ZNF609: variants seen among roughly 807,000 people sequenced by gnomAD.
ZNF609 encodes the protein zinc finger protein 609.
ZNF609 carries 11 observed loss-of-function variants against 109.5 expected under a neutral mutation model. The ratio of observed to expected loss-of-function variants is 0.10; its 90% CI spans 0.06 to 0.17. The LOEUF is 0.17. ZNF609 is among the 10% of genes least tolerant of loss of function. The pLI, the probability that ZNF609 is intolerant of heterozygous loss-of-function variation, is 1.00. For synonymous variants in ZNF609, 646 were observed against 662.0 expected, an observed-to-expected ratio of 0.98 and a Z score of 0.37; for missense variants, 1,559 against 1,772.4, an observed-to-expected ratio of 0.88 and a Z score of 2.16.
chr15:64,503,312 C>T (rs142215723), intron 2 of ZNF609, among the ~76,000 whole-genome samples: 1 of 152,274 alleles, frequency 6.6e-6, no homozygotes, highest in African/African-American at 2.4e-5. Flanking sequence ...ACACTTCTGC[C>T]TCATACTTCC....
intron 3 of ZNF609, among the ~76,000 whole-genome samples, chr15:64,668,364 T>C (rs1344283246): frequency 2.6e-5 from 4 of 152,220 alleles, no homozygotes; most frequent in Non-Finnish European, 4.4e-5. Context: ...AGACCAGCCA[T>C]GGGTCACAAG....
chr15:64,528,999 G>A (rs980666561), intron 2 of ZNF609: 63 of 1,508,846 alleles, frequency 4.2e-5, no homozygotes, highest in Middle Eastern at 2.4e-4. Context: ...TGAGCTTCCC[G>A]TTCAGCTCAG....
At chr15:64,565,986 C>T (rs550951276) in intron 2 of ZNF609, among the ~76,000 whole-genome samples, 3 of 151,982 alleles carry the variant, frequency 2.0e-5, no homozygotes, top group Non-Finnish European at 4.4e-5. Context: ...GTAGCTGGAA[C>T]TAAAGGTGTG....
chr15:64,548,353 T>G (rs1894403135), intron 2 of ZNF609, among the ~76,000 whole-genome samples: 1 of 152,190 alleles, frequency 6.6e-6, no homozygotes, highest in African/African-American at 2.4e-5. Flanking sequence ...TCGTGTACAC[T>G]CTAACAAAAT....
chr15:64,562,719 G>T (rs1026840655), intron 2 of ZNF609, among the ~76,000 whole-genome samples: 20 of 134,096 alleles, frequency 1.5e-4, no homozygotes, highest in African/African-American at 4.6e-4. Context: ...ACTATAGCCC[G>T]AGTTTAAAGA....
chr15:64,641,197 G>A (rs1368993281), intron 3 of ZNF609, among the ~76,000 whole-genome samples: 4 of 144,584 alleles, frequency 2.8e-5, no homozygotes, highest in African/African-American at 2.6e-5. Flanking sequence ...AGGATGATGG[G>A]TGTTAGTTAC....
intron 2 of ZNF609, among the ~76,000 whole-genome samples, chr15:64,526,057 CG>C (rs1251683333): frequency 1.3e-5 from 2 of 150,814 alleles, no homozygotes; most frequent in Non-Finnish European, 2.9e-5. Context: ...CCCAAAGTGC[CG>C]GGATTACAAG....
chr15:64,649,655 G>A (rs1896386106), intron 3 of ZNF609, among the ~76,000 whole-genome samples: 1 of 152,060 alleles, frequency 6.6e-6, no homozygotes, highest in South Asian at 2.1e-4. Flanking sequence ...AAGTATTTAG[G>A]GAGAGAAAAG....
At chr15:64,561,635 A>G (rs1018481569) in intron 2 of ZNF609, among the ~76,000 whole-genome samples, 8 of 150,954 alleles carry the variant, frequency 5.3e-5, no homozygotes, top group African/African-American at 1.5e-4. Flanking sequence ...GGCACAGGCA[A>G]TCCTCTTGCC....
At chr15:64,582,759 T>TTTC in intron 2 of ZNF609, among the ~76,000 whole-genome samples, 1 of 124,192 alleles carries the variant, frequency 8.1e-6, no homozygotes, top group Non-Finnish European at 1.7e-5. Flanking sequence ...CTTTTTTTTT[T>TTTC]TTTTTTTTTT....
chr15:64,627,290 C>A (rs1366897413), intron 3 of ZNF609, among the ~76,000 whole-genome samples: 1 of 152,044 alleles, frequency 6.6e-6, no homozygotes, highest in Non-Finnish European at 1.5e-5. Flanking sequence ...GTATAAGAAG[C>A]CTTAAAGCAG....
At chr15:64,494,952 G>A (rs1292262842) in intron 1 of ZNF609, among the ~76,000 whole-genome samples, 1 of 152,132 alleles carries the variant, frequency 6.6e-6, no homozygotes, top group Admixed American at 6.5e-5. Flanking sequence ...ACTGTGCTCT[G>A]TAGTACATCC....
intron 2 of ZNF609, among the ~76,000 whole-genome samples, chr15:64,562,188 G>A (rs144681566): frequency 8.4e-4 from 128 of 152,206 alleles, no homozygotes; most frequent in African/African-American, 3.0e-3. Context: ...TTCTCAGTTT[G>A]GCATAGTGCC....
Position 64,678,633 on chromosome 15 carries a change from C to T in ZNF609, c.3769+151C>T, listed in dbSNP as rs191388796. The T allele has an allele frequency of 1.8e-4, 189 of 1,044,580 alleles. No homozygotes were observed. The East Asian group carries it at 4.3e-3, about 24-fold the overall frequency. 64.7% of individuals were successfully genotyped at this position (1,044,580 alleles called of 1,614,324 possible). ...TTCACTGAGTCATTCTGTGAGGTGG[C>T]CACCATAACCCATAGTTCCTTGAAT... On this transcript the variant is annotated intron_variant, in intron 6 of 9. Coordinates refer to ENST00000326648, the MANE Select transcript of ZNF609 (RefSeq NM_015042.2).
intron 2 of ZNF609, chr15:64,592,829 C>T (rs1432134769): frequency 1.9e-6 from 1 of 514,726 alleles, no homozygotes; most frequent in African/African-American, 2.0e-5. Context: ...AGGAGAATTG[C>T]TTGAATCTAG....
intron 2 of ZNF609, among the ~76,000 whole-genome samples, chr15:64,558,443 C>T (rs1567014078): frequency 1.3e-5 from 2 of 152,184 alleles, no homozygotes; most frequent in African/African-American, 2.4e-5. Flanking sequence ...ATGGAATACT[C>T]TTAAAATAAT....
chr15:64,576,390 A>T (rs1395867785), intron 2 of ZNF609, among the ~76,000 whole-genome samples: 1 of 152,002 alleles, frequency 6.6e-6, no homozygotes, highest in African/African-American at 2.4e-5. Context: ...AGATTTCTCT[A>T]GTCATGTGCT....
At chr15:64,600,233 G>T (rs192503493) in intron 2 of ZNF609, among the ~76,000 whole-genome samples, 1 of 151,674 alleles carries the variant, frequency 6.6e-6, no homozygotes, top group African/African-American at 2.4e-5. Flanking sequence ...GGCGGATCAC[G>T]AGGTCAGGAG....
intron 2 of ZNF609, among the ~76,000 whole-genome samples, chr15:64,584,532 C>T (rs1266601471): frequency 6.6e-6 from 1 of 152,046 alleles, no homozygotes; most frequent in Non-Finnish European, 1.5e-5. Context: ...AACTCGTGAC[C>T]TCAAGTAATC....
Sources: gnomAD v4.1 joint callset for allele counts (sites outside exome capture counted in the v4.1 genomes callset) on GRCh38, gnomAD v4.1.1 for gene constraint, MANE v1.5 for transcripts, NCBI Gene and HGNC (gene_info 2026-07-23, HGNC 2026-07-21) for gene names.